The following CYCS variants were observed in gnomAD, a reference collection of about 807,000 sequenced individuals.
CYCS encodes the protein cytochrome c, somatic, also known as cytochrome c.
For missense variants in CYCS, 87 were observed against 125.3 expected (o/e 0.69, Z 1.46); for synonymous variants, 41 against 43.0 (o/e 0.95, Z 0.18).
chr7:25,124,471 TCAC>T (rs1270588405), intron 1 of CYCS, among the ~76,000 whole-genome samples: 1 of 152,146 alleles, frequency 6.6e-6, no homozygotes, highest in African/African-American at 2.4e-5. Flanking sequence ...TAAGCCAAAA[TCAC>T]CACAACCGCA....
rs566820718 is a variant in CYCS at position 25,119,089 on chromosome 7, G to A, written c.*4612C>T. Among the ~76,000 whole-genome samples the A allele has an allele frequency of 3.3e-4, 51 of 152,268 alleles. No homozygotes were observed. The highest frequency in any genetic ancestry group is 1.2e-3 in the African/African-American group (48 of 41,540). On this transcript the variant is annotated 3_prime_UTR_variant, in exon 3 of 3. Coordinates refer to ENST00000305786, the MANE Select transcript of CYCS (RefSeq NM_018947.6). ...AAAGCAGCAGCTCAGTATGTACCCC[G>A]ACAGTGCCTAGAAGAGACTTATGTG...
rs1243071394 is a variant in CYCS, at chr7:25,125,219, C to A, written c.-28G>T. 1 of 152,918 alleles carries A rather than the reference C, an allele frequency of 6.5e-6. No individual in the cohort carries two copies. Among genetic ancestry groups the A allele is most frequent in the Non-Finnish European group, 1.5e-5 (1 of 68,250 alleles). The allele number at this position is 152,918 out of a possible 1,614,324, so 9.5% of individuals were successfully genotyped here. On this transcript the variant is annotated 5_prime_UTR_variant, in exon 1 of 3. Coordinates refer to ENST00000305786, the MANE Select transcript of CYCS (RefSeq NM_018947.6). ...TCTCACCTCTTTTTAGTCGCTGGCA[C>A]AACGAACACTCCCGCTCCGAAGCCG...
rs1194069631 is a variant in CYCS at position 25,118,875 on chromosome 7, AAATG to A, written c.*4822_*4825del. On this transcript the variant is annotated 3_prime_UTR_variant, in exon 3 of 3. Coordinates refer to ENST00000305786, the MANE Select transcript of CYCS (RefSeq NM_018947.6). The stretch of plus-strand genomic sequence containing the variant: ...ACAACCTGCACTTTTACTCTTTGAG[AAATG>A]AATGCAGTAAATTTACTTAGCTTTC... 6.6e-6 allele frequency among the ~76,000 whole-genome samples: 1 copy of A among 152,232 alleles called. No individual in the cohort carries two copies. Among genetic ancestry groups the A allele is most frequent in the African/African-American group, 2.4e-5 (1 of 41,452 alleles).
rs967991535 is a variant in CYCS at position 25,121,990 on chromosome 7, TTAATA to T, written c.*1706_*1710del. On this transcript the variant is annotated 3_prime_UTR_variant, in exon 3 of 3. Coordinates refer to ENST00000305786, the MANE Select transcript of CYCS (RefSeq NM_018947.6). ...GGTTGAACACATTTCTGTATCTATC[TTAATA>T]TGTTTCCTGTATCATTTCCAGGATG... 2.4e-4 allele frequency: 27 copies of T among 112,638 alleles called. No individual in the cohort carries two copies. Among genetic ancestry groups the T allele is most frequent in the African/African-American group, 1.2e-3 (27 of 22,758 alleles). The allele number at this position is 112,638 out of a possible 1,614,324, so 7.0% of individuals were successfully genotyped here.
chr7:25,124,414 A>T (rs1218879402), intron 1 of CYCS, among the ~76,000 whole-genome samples: 8 of 152,224 alleles, frequency 5.3e-5, no homozygotes, highest in African/African-American at 1.9e-4. Flanking sequence ...CAGAAGAGAC[A>T]ATCATGGTCA....
chr7:25,122,602 A>G lies in CYCS; in HGVS notation c.*1099T>C, dbSNP rs1301318744. 5.3e-5 allele frequency: 8 copies of G among 152,262 alleles called. No individual in the cohort carries two copies. Among genetic ancestry groups the G allele is most frequent in the African/African-American group, 1.9e-4 (8 of 41,476 alleles). 9.4% of individuals were successfully genotyped at this position (152,262 alleles called of 1,614,324 possible). ...AGGCATTCCTCTGTCCATGTCTGGCATAAATGCTGCAGTTCTCAATCTGAG... is the reference window on the plus strand; with the variant it reads ...AGGCATTCCTCTGTCCATGTCTGGCGTAAATGCTGCAGTTCTCAATCTGAG... On this transcript the variant is annotated 3_prime_UTR_variant, in exon 3 of 3. Transcript: ENST00000305786.
rs1296483010 is a variant in CYCS, at chr7:25,122,918, T to C, written c.*783A>G. ...TATATCTCCGTTACTTTAATCCTTTTAAGTTGGCAAAAGCACCATTCCCAA... is the reference window on the plus strand; with the variant it reads ...TATATCTCCGTTACTTTAATCCTTTCAAGTTGGCAAAAGCACCATTCCCAA... On this transcript the variant is annotated 3_prime_UTR_variant, in exon 3 of 3. Transcript: ENST00000305786. 6.6e-6 allele frequency: 1 copy of C among 152,276 alleles called. No homozygotes were observed. Among genetic ancestry groups the C allele is most frequent in the Non-Finnish European group, 1.5e-5 (1 of 68,048 alleles). 9.4% of individuals were successfully genotyped at this position (152,276 alleles called of 1,614,324 possible).
rs771504578 is a variant in CYCS at position 25,119,356 on chromosome 7, A to G, written c.*4345T>C. ...CGATGGGGCGGTCTTGGCTCACTGC[A>G]ACCCCCATCTCCCAGGTTCAAGCGA... On this transcript the variant is annotated 3_prime_UTR_variant, in exon 3 of 3. Coordinates refer to ENST00000305786, the MANE Select transcript of CYCS (RefSeq NM_018947.6). Among the ~76,000 whole-genome samples the G allele has an allele frequency of 5.4e-5, 8 of 148,614 alleles. No homozygotes were observed. The South Asian group carries it at 1.7e-3, about 32-fold the overall frequency.
chr7:25,119,856 T>C lies in CYCS; in HGVS notation c.*3845A>G, dbSNP rs767510270. On this transcript the variant is annotated 3_prime_UTR_variant, in exon 3 of 3. Transcript: ENST00000305786. ...CATGTGGATTCTATCACACCCTTTA[T>C]AATTTACAGCAATCTTCAGTGGTTA... 2.0e-5 allele frequency among the ~76,000 whole-genome samples: 3 copies of C among 152,210 alleles called. No individual in the cohort carries two copies. Among genetic ancestry groups the C allele is most frequent in the Non-Finnish European group, 2.9e-5 (2 of 68,038 alleles).
chr7:25,123,679 T>C lies in CYCS; in HGVS notation c.*22A>G, dbSNP rs920756000. 1.3e-6 allele frequency: 2 copies of C among 1,593,914 alleles called. No individual in the cohort carries two copies. Among genetic ancestry groups the C allele is most frequent in the Non-Finnish European group, 1.7e-6 (2 of 1,175,970 alleles). On this transcript the variant is annotated 3_prime_UTR_variant, in exon 3 of 3. Coordinates refer to ENST00000305786, the MANE Select transcript of CYCS (RefSeq NM_018947.6). ...GTCATGAGACATTTCTGTTTTGTAATAAATAAGGCAGTGGCCAATTATTAC... is the reference window on the plus strand; with the variant it reads ...GTCATGAGACATTTCTGTTTTGTAACAAATAAGGCAGTGGCCAATTATTAC...
At chr7:25,124,871 T>C (rs1321273807) in intron 1 of CYCS, 1 of 152,526 alleles carries the variant, frequency 6.6e-6, no homozygotes, top group Non-Finnish European at 1.5e-5. Flanking sequence ...AGCTCTAAGC[T>C]TCGGCTTTCC....
At chr7:25,124,471 T>C (rs1329859016) in intron 1 of CYCS, among the ~76,000 whole-genome samples, 1 of 152,146 alleles carries the variant, frequency 6.6e-6, no homozygotes, top group Non-Finnish European at 1.5e-5. Context: ...TAAGCCAAAA[T>C]CACCACAACC....
rs1783355542 is a variant in CYCS, at chr7:25,121,089, AC to A, written c.*2611del. On this transcript the variant is annotated 3_prime_UTR_variant, in exon 3 of 3. Transcript: ENST00000305786. ...CGGTGAGCAGCGATCACGCCATTGC[AC>A]TCCAGCCTGGGCAACAAGAGTGAAA... The A allele has an allele frequency of 6.6e-6, 1 of 151,862 alleles. No individual in the cohort carries two copies. Among genetic ancestry groups the A allele is most frequent in the Non-Finnish European group, 1.5e-5 (1 of 67,970 alleles). The allele number at this position is 151,862 out of a possible 1,614,324, so 9.4% of individuals were successfully genotyped here. A position where few individuals can be genotyped will look rare whatever the true frequency, so the allele number is the denominator to read the frequency against.
At chr7:25,124,164 C>G (rs759133858) in intron 1 of CYCS, 37 bp from the exon 2 acceptor site, 2 of 1,561,476 alleles carry the variant, frequency 1.3e-6, no homozygotes, top group Non-Finnish European at 1.8e-6. Flanking sequence ...AATTTTTCCT[C>G]AGGTAACAAA....
At position 25,122,404 on chromosome 7, in the gene CYCS, T is replaced by C. The variant is rs574649600; in HGVS notation, c.*1297A>G. 5.3e-5 allele frequency: 8 copies of C among 152,364 alleles called. No individual in the cohort carries two copies. Among genetic ancestry groups the C allele is most frequent in the African/African-American group, 1.7e-4 (7 of 41,588 alleles). 9.4% of individuals were successfully genotyped at this position (152,364 alleles called of 1,614,324 possible). A position where few individuals can be genotyped will look rare whatever the true frequency, so the allele number is the denominator to read the frequency against. On this transcript the variant is annotated 3_prime_UTR_variant, in exon 3 of 3. Transcript: ENST00000305786. ...TTCTCACTGTCCCACAAAGATACAG[T>C]TCTCAGCTGCACCAGCATAGATTTA...
In CYCS at chr7:25,123,644, A is replaced by G; in HGVS notation, c.*57T>C. 1 of 1,427,318 alleles carries G rather than the reference A, an allele frequency of 7.0e-7. No individual in the cohort carries two copies. Among genetic ancestry groups the G allele is most frequent in the African/African-American group, 1.4e-5 (1 of 71,476 alleles). The allele number at this position is 1,427,318 out of a possible 1,614,324, so 88.4% of individuals were successfully genotyped here. On this transcript the variant is annotated 3_prime_UTR_variant, in exon 3 of 3. Coordinates refer to ENST00000305786, the MANE Select transcript of CYCS (RefSeq NM_018947.6). ...TATGAGATCTATTAAAGGATGGTAC[A>G]CATAAAAAAGTCATGAGACATTTCT...
At position 25,121,130 on chromosome 7, in the gene CYCS, T is replaced by TA. The variant is rs1391779383; in HGVS notation, c.*2570dup. The TA allele has an allele frequency of 5.9e-5, 9 of 151,496 alleles. No homozygotes were observed. The highest frequency in any genetic ancestry group is 1.0e-4 in the Non-Finnish European group (7 of 67,848). The allele number at this position is 151,496 out of a possible 1,614,324, so 9.4% of individuals were successfully genotyped here. A position where few individuals can be genotyped will look rare whatever the true frequency, so the allele number is the denominator to read the frequency against. ...CAAGAGTGAAATTATCTCAAAAAAA[T>TA]AAAAATAAAAAAGTTACAGAATCAC... On this transcript the variant is annotated 3_prime_UTR_variant, in exon 3 of 3. Coordinates refer to ENST00000305786, the MANE Select transcript of CYCS (RefSeq NM_018947.6).
rs1287116936 is a variant in CYCS, at chr7:25,121,843, C to T, written c.*1858G>A. 1 of 152,188 alleles carries T rather than the reference C, an allele frequency of 6.6e-6. No homozygotes were observed. Among genetic ancestry groups the T allele is most frequent in the Admixed American group, 6.5e-5 (1 of 15,276 alleles). The allele number at this position is 152,188 out of a possible 1,614,324, so 9.4% of individuals were successfully genotyped here. A position where few individuals can be genotyped will look rare whatever the true frequency, so the allele number is the denominator to read the frequency against. On this transcript the variant is annotated 3_prime_UTR_variant, in exon 3 of 3. Coordinates refer to ENST00000305786, the MANE Select transcript of CYCS (RefSeq NM_018947.6). ...TTGGGAAGCTGAAGTGAGAGAATCG[C>T]TTGAGCCTGGGAAATAGAGGTTGCA...
At position 25,120,294 on chromosome 7, in the gene CYCS, C is replaced by G. The variant is rs1783338877; in HGVS notation, c.*3407G>C. The G allele has an allele frequency of 6.6e-6, 1 of 152,216 alleles. No individual in the cohort carries two copies. The highest frequency in any genetic ancestry group is 1.5e-5 in the Non-Finnish European group (1 of 68,068). The allele number at this position is 152,216 out of a possible 1,614,324, so 9.4% of individuals were successfully genotyped here. On this transcript the variant is annotated 3_prime_UTR_variant, in exon 3 of 3. Coordinates refer to ENST00000305786, the MANE Select transcript of CYCS (RefSeq NM_018947.6). ...AGAGACAGGGTTTCGCCATGTTGAC[C>G]AGGCTGGTCTCAAACGCCTGACCTC...
Sources: allele counts gnomAD v4.1 joint callset (sites outside exome capture counted in the v4.1 genomes callset), GRCh38; gene constraint gnomAD v4.1.1; transcripts MANE v1.5; gene names NCBI Gene and HGNC (gene_info 2026-07-23, HGNC 2026-07-21).